Variants in ACSM2A observed in about 807,000 individuals in gnomAD.
ACSM2A encodes the protein acyl-CoA synthetase medium chain family member 2A.
A neutral mutation model predicts 76.6 loss-of-function variants in ACSM2A; 72 were observed. The ratio of observed to expected loss-of-function variants is 0.94; its 90% confidence interval spans 0.78 to 1.14. ACSM2A has a LOEUF of 1.14. Ranked by LOEUF, ACSM2A falls within the 50% of genes most tolerant of loss-of-function variation. ACSM2A has a pLI of 0.00. For missense variants in ACSM2A, 684 were observed against 708.5 expected, an observed-to-expected ratio of 0.97 and a Z score of 0.39; for synonymous variants, 249 against 255.9, an observed-to-expected ratio of 0.97 and a Z score of 0.26.
intron 3 of ACSM2A, among the ~76,000 whole-genome samples, chr16:20,467,919 C>T (rs1385357310): frequency 6.6e-6 from 1 of 152,028 alleles, no homozygotes; most frequent in Non-Finnish European, 1.5e-5. Flanking sequence ...CCCTTTCCAC[C>T]TCTGCTTGCA....
intron 9 of ACSM2A, among the ~76,000 whole-genome samples, chr16:20,477,881 G>C (rs988848643): frequency 6.6e-6 from 1 of 151,990 alleles, no homozygotes; most frequent in South Asian, 2.1e-4. Flanking sequence ...GCCTTTTATT[G>C]GACCAAGGGA....
At chr16:20,477,710 T>C (rs1438885294) in intron 9 of ACSM2A, among the ~76,000 whole-genome samples, 1 of 152,216 alleles carries the variant, frequency 6.6e-6, no homozygotes, top group Non-Finnish European at 1.5e-5. Context: ...CACAAGTATA[T>C]ATGCTTTAAA....
intron 8 of ACSM2A, 109 bp from the exon 9 acceptor site, chr16:20,477,260 C>T (rs1275103061): frequency 1.4e-6 from 2 of 1,435,878 alleles, no homozygotes; most frequent in Middle Eastern, 1.9e-4. Context: ...CCACCAAGTG[C>T]AGGCCAAGTT....
Position 20,487,428 on chromosome 16 carries a change from A to G in ACSM2A, c.*750A>G, listed in dbSNP as rs376232783. 69 of 152,326 alleles carry G rather than the reference A, an allele frequency of 4.5e-4. No individual in the cohort carries two copies. The highest frequency in any genetic ancestry group is 1.5e-3 in the African/African-American group (64 of 41,552). 9.4% of individuals were successfully genotyped at this position (152,326 alleles called of 1,614,324 possible). ...TAGAATCATCCACAAGTCACCCCAA[A>G]CCTTGGAACTGTCAGGGTCAGAGGG... On this transcript the variant is annotated 3_prime_UTR_variant, in exon 14 of 14. Coordinates refer to ENST00000573854, the MANE Select transcript of ACSM2A (RefSeq NM_001308172.2).
chr16:20,486,720 C>T lies in ACSM2A; in HGVS notation c.*42C>T, dbSNP rs769177274. On this transcript the variant is annotated 3_prime_UTR_variant, in exon 14 of 14. Coordinates refer to ENST00000573854, the MANE Select transcript of ACSM2A (RefSeq NM_001308172.2). Reference sequence around the variant, plus strand: ...TCATTTGGATTCCCCTCTTCTTTCTCTTTCTTTTCCCTTTGGGCCCTTGGC... The same window carrying T: ...TCATTTGGATTCCCCTCTTCTTTCTTTTTCTTTTCCCTTTGGGCCCTTGGC... 29 of 1,607,702 alleles carry T rather than the reference C, an allele frequency of 1.8e-5. No individual in the cohort carries two copies. The Admixed American group carries it at 2.5e-4, about 14-fold the overall frequency.
chr16:20,476,001 A>C (rs375321510), intron 8 of ACSM2A: 13,488 of 1,160,008 alleles, frequency 0.012, 112 homozygotes, highest in South Asian at 0.032. Context: ...GGGAGAGAGA[A>C]AATAAACTAA....
rs4643305 is a variant in ACSM2A at position 20,475,678 on chromosome 16, G to A, written c.1003G>A (p.Val335Ile). Residue 335 changes from valine to isoleucine, a missense_variant, in exon 8 of 14, where the codon GTC (valine) becomes ATC (isoleucine). By Grantham distance (29) the Val-to-Ile change is conservative (BLOSUM62 3). This residue lies in a region of ACSM2A where 519 missense variants were observed against 549.5 expected (regional missense o/e 0.94). Transcript: ENST00000573854. ...SYKFPHLQNC[V>I]TVGESLLPET... ...CAAGTTCCCCCATCTACAGAACTGC[G>A]TCACTGTAGGGGAGTCCCTTCTTCC... 256 of 1,613,950 alleles carry A rather than the reference G, an allele frequency of 1.6e-4. No homozygotes were observed. Among genetic ancestry groups the A allele is most frequent in the Middle Eastern group, 8.3e-4 (5 of 6,060 alleles).
intron 12 of ACSM2A, 129 bp from the exon 13 acceptor site, chr16:20,482,929 G>C: frequency 6.9e-7 from 1 of 1,439,334 alleles, no homozygotes; most frequent in Non-Finnish European, 9.4e-7. Context: ...CTTTTCCCTT[G>C]ACCTGGATCA....
At chr16:20,468,986 C>T (rs896852052) in intron 3 of ACSM2A, among the ~76,000 whole-genome samples, 30 of 152,234 alleles carry the variant, frequency 2.0e-4, no homozygotes, top group African/African-American at 6.7e-4. Context: ...CCACTTTGTA[C>T]CCAATAAATA....
intron 2 of ACSM2A, among the ~76,000 whole-genome samples, chr16:20,462,619 A>G (rs2012693513): frequency 6.6e-6 from 1 of 152,112 alleles, no homozygotes; most frequent in Non-Finnish European, 1.5e-5. Context: ...TTACTCTCAA[A>G]CTATGATCTG....
chr16:20,480,780 G>A (rs777128346), intron 11 of ACSM2A, 42 bp from the exon 12 acceptor site: 1 of 1,613,740 alleles, frequency 6.2e-7, no homozygotes, highest in Non-Finnish European at 8.5e-7. Flanking sequence ...TGGCCTAGAG[G>A]TTCGGTGTCC....
chr16:20,474,043 C>T (rs1056748286), intron 6 of ACSM2A: 1 of 448,884 alleles, frequency 2.2e-6, no homozygotes, highest in African/African-American at 2.0e-5. Context: ...GTTGCCCCAC[C>T]TTTCTGGACC....
At chr16:20,455,059 G>C (rs1279916710) in intron 1 of ACSM2A, among the ~76,000 whole-genome samples, 1 of 131,166 alleles carries the variant, frequency 7.6e-6, no homozygotes, top group East Asian at 3.5e-4. Context: ...TTCAGAGCTT[G>C]AAGACAAGAT....
intron 3 of ACSM2A, among the ~76,000 whole-genome samples, chr16:20,468,848 A>T (rs2013185832): frequency 1.3e-5 from 2 of 152,208 alleles, no homozygotes; most frequent in Admixed American, 1.3e-4. Context: ...CAGTACTGTA[A>T]ATTTCAGTAT....
chr16:20,468,334 A>T (rs940184016), intron 3 of ACSM2A, among the ~76,000 whole-genome samples: 4 of 152,296 alleles, frequency 2.6e-5, no homozygotes, highest in South Asian at 4.1e-4. Context: ...GCTTCACAAA[A>T]AATGAAACCT....
Position 20,465,659 on chromosome 16 carries a change from A to T in ACSM2A, c.320A>T (p.Asp107Val), listed in dbSNP as rs1368614956. The change falls in exon 3 of 14, where the codon GAT becomes GTT. Residue 107 changes from aspartate (D) to valine (V), a missense_variant. Around this residue, in one of 3 missense-constraint regions of ACSM2A, gnomAD observed 519 missense variants for 549.5 expected, o/e 0.94. Transcript: ENST00000573854. ...GGAGCCTGTGGCCTGCAGCGTGGGG[A>T]TCGTGTGGCAGTGGTGCTGCCCCGA... ...LSGACGLQRGDRVAVVLPRVP... is the reference protein window; with the variant it reads ...LSGACGLQRGVRVAVVLPRVP... The T allele has an allele frequency of 1.1e-5, 17 of 1,613,824 alleles. No individual in the cohort carries two copies. Among genetic ancestry groups the T allele is most frequent in the Non-Finnish European group, 1.4e-5 (17 of 1,179,866 alleles).
intron 6 of ACSM2A, among the ~76,000 whole-genome samples, chr16:20,473,616 G>T (rs934505844): frequency 6.6e-6 from 1 of 151,790 alleles, no homozygotes; most frequent in African/African-American, 2.4e-5. Flanking sequence ...TTGAATATTT[G>T]TGCCCCCCAA....
At position 20,471,637 on chromosome 16, in the gene ACSM2A, C is replaced by T. The variant is rs1459405811; in HGVS notation, c.842C>T (p.Ala281Val). The T allele has an allele frequency of 1.2e-6, 2 of 1,614,060 alleles. No individual in the cohort carries two copies. The highest frequency in any genetic ancestry group is 1.7e-4 in the Middle Eastern group (1 of 6,060). ...CTTATGGAACCTTGGGCATTAGGAGCATGCACATTTGTTCATCTCTTGCCA... is the reference window on the plus strand; with the variant it reads ...CTTATGGAACCTTGGGCATTAGGAGTATGCACATTTGTTCATCTCTTGCCA... ...CSLMEPWALG[A>V]CTFVHLLPKF... is the part of the protein sequence containing the mutation. The change falls in exon 6 of 14, where the codon GCA (alanine) becomes GTA (valine). Residue 281 changes from alanine (A) to valine (V), a missense_variant. By Grantham distance (64) the Ala-to-Val change is moderately conservative (BLOSUM62 0). This residue lies in a region of ACSM2A where 519 missense variants were observed against 549.5 expected (regional missense o/e 0.94). Coordinates refer to ENST00000573854, the MANE Select transcript of ACSM2A (RefSeq NM_001308172.2).
At chr16:20,461,983 G>A (rs1051478200) in intron 2 of ACSM2A, among the ~76,000 whole-genome samples, 4 of 152,148 alleles carry the variant, frequency 2.6e-5, no homozygotes, top group Non-Finnish European at 4.4e-5. Flanking sequence ...TGTGAGAAAT[G>A]TCTTCAAGTG....
Sources: allele counts gnomAD v4.1 joint callset (sites outside exome capture counted in the v4.1 genomes callset), GRCh38; gene constraint gnomAD v4.1.1; regional missense constraint gnomAD v4.1.1; transcripts MANE v1.5; gene names NCBI Gene and HGNC (gene_info 2026-07-23, HGNC 2026-07-21).